Variants in ETFA observed in about 807,000 individuals in gnomAD.
ETFA encodes electron transfer flavoprotein subunit alpha, mitochondrial.
Under a neutral mutation model 46.2 loss-of-function variants are expected in ETFA, and 22 were observed. That is an observed-to-expected ratio of 0.48 (90% CI 0.34 to 0.68). The LOEUF (loss-of-function observed/expected upper bound fraction) is 0.68. ETFA is among the 30% of genes least tolerant of loss of function. The pLI is 0.01. For missense variants in ETFA, 345 were observed against 401.1 expected (o/e 0.86, Z 1.19); for synonymous variants, 131 against 139.9 (o/e 0.94, Z 0.45).
rs1303842015 is a variant in ETFA at position 76,238,177 on chromosome 15, GCTTTA to G, written c.817-6784_817-6780del. 3.9e-5 allele frequency among the ~76,000 whole-genome samples: 6 copies of G among 152,096 alleles called. No homozygotes were observed. In the East Asian group the frequency reaches 5.8e-4, roughly 15 times the overall value. On this transcript the variant is annotated intron_variant, in intron 9 of 11. Transcript: ENST00000557943. ...TTCTGCCTGCAGCAACTTCAGATCT[GCTTTA>G]CTTTAAACACAGTAGAATGGAGAGA... is the stretch of plus-strand genomic sequence containing the variant.
chr15:76,303,913 C>T (rs977395894), intron 1 of ETFA, among the ~76,000 whole-genome samples: 1 of 152,188 alleles, frequency 6.6e-6, no homozygotes, highest in Non-Finnish European at 1.5e-5. Flanking sequence ...TTAGAACATT[C>T]GACCCAGCAA....
intron 9 of ETFA, among the ~76,000 whole-genome samples, chr15:76,256,832 T>G (rs780132777): frequency 3.9e-5 from 6 of 152,236 alleles, no homozygotes; most frequent in Non-Finnish European, 5.9e-5. Context: ...TTTTTATGTT[T>G]AGATACACAA....
chr15:76,285,578 TAAAA>T, intron 7 of ETFA, 55 bp downstream of exon 7: 1 of 834,590 alleles, frequency 1.2e-6, no homozygotes, highest in Non-Finnish European at 1.9e-6. Context: ...ATACTAAAAA[TAAAA>T]AAAAAAATCA....
Position 76,311,200 on chromosome 15 carries a change from G to A in ETFA, c.39+150C>T. 3 of 917,626 alleles carry A rather than the reference G, an allele frequency of 3.3e-6. 1 individual carries two copies. Among genetic ancestry groups the A allele is most frequent in the South Asian group, 3.2e-5 (2 of 63,286 alleles). The allele number at this position is 917,626 out of a possible 1,614,324, so 56.8% of individuals were successfully genotyped here. A position where few individuals can be genotyped will look rare whatever the true frequency, so the allele number is the denominator to read the frequency against. ...CGCAGGGAGTCCAGGGTAGGCCCCA[G>A]AACTTTGGACCCAAGTCCCAGGCGG... On this transcript the variant is annotated intron_variant, in intron 1 of 11. Coordinates refer to ENST00000557943, the MANE Select transcript of ETFA (RefSeq NM_000126.4).
chr15:76,285,433 G>C (rs1169172226), intron 7 of ETFA, among the ~76,000 whole-genome samples: 2 of 152,140 alleles, frequency 1.3e-5, no homozygotes, highest in African/African-American at 4.8e-5. Flanking sequence ...TGGTGCCAGT[G>C]ACTAGGTGTG....
At chr15:76,260,149 G>A (rs2039392020) in intron 9 of ETFA, 4 of 1,414,216 alleles carry the variant, frequency 2.8e-6, no homozygotes, top group Non-Finnish European at 4.0e-6. Context: ...TATCCAGCCA[G>A]GGTGAACTGC....
At chr15:76,280,541 T>C (rs2039637393) in intron 8 of ETFA, among the ~76,000 whole-genome samples, 5 of 152,158 alleles carry the variant, frequency 3.3e-5, no homozygotes, top group African/African-American at 1.2e-4. Flanking sequence ...TCCCCATTAC[T>C]ATACTTACCC....
At chr15:76,310,514 AC>A (rs1319532292) in intron 1 of ETFA, among the ~76,000 whole-genome samples, 9 of 152,186 alleles carry the variant, frequency 5.9e-5, no homozygotes, top group Non-Finnish European at 2.9e-5. Flanking sequence ...TTGTTACTTG[AC>A]TTGTGACTGG....
intron 10 of ETFA, among the ~76,000 whole-genome samples, chr15:76,228,622 T>C (rs752064188): frequency 2.6e-5 from 4 of 152,174 alleles, no homozygotes; most frequent in Non-Finnish European, 4.4e-5. Context: ...AAATAATCAA[T>C]TGTAAAGAAC....
chr15:76,290,667 T>C (rs62027016), intron 4 of ETFA, among the ~76,000 whole-genome samples: 14,429 of 152,158 alleles, frequency 0.095, 832 homozygotes, highest in Middle Eastern at 0.15. Flanking sequence ...AAAGCTACTA[T>C]TCACAAAACA....
At chr15:76,281,920 TC>T (rs1270493329) in intron 8 of ETFA, among the ~76,000 whole-genome samples, 1 of 148,056 alleles carries the variant, frequency 6.8e-6, no homozygotes, top group African/African-American at 2.5e-5. Context: ...TTTTTTTTTT[TC>T]CAGACGGCAT....
intron 8 of ETFA, among the ~76,000 whole-genome samples, chr15:76,278,305 T>C (rs2039616271): frequency 6.6e-6 from 1 of 152,200 alleles, no homozygotes; most frequent in Non-Finnish European, 1.5e-5. Context: ...ACCTCCAACA[T>C]TCCTCTGACC....
chr15:76,224,955 TGGAGGTGAC>T, intron 11 of ETFA, among the ~76,000 whole-genome samples: 1 of 152,212 alleles, frequency 6.6e-6, no homozygotes, highest in East Asian at 1.9e-4. Context: ...AGGTCAAATA[TGGAGGTGAC>T]GGCAAGAGAG....
intron 9 of ETFA, among the ~76,000 whole-genome samples, chr15:76,258,075 A>T (rs1302418805): frequency 6.6e-6 from 1 of 151,364 alleles, no homozygotes; most frequent in Non-Finnish European, 1.5e-5. Context: ...ATGCTAAATG[A>T]CGAGTTAACG....
chr15:76,261,353 TGCACCAGTACTGGCCCGTGTCAGAGC>T, intron 9 of ETFA: 1 of 1,116,588 alleles, frequency 9.0e-7, no homozygotes, highest in Non-Finnish European at 1.3e-6. Flanking sequence ...CCATCCACCT[TGCACCAGTACTGGCCCGTGTCAGAGC>T]GCTCCACTGA....
Position 76,311,429 on chromosome 15 carries a change from C to A in ETFA, c.-41G>T, listed in dbSNP as rs770877472. The A allele has an allele frequency of 9.1e-6, 14 of 1,546,694 alleles. No homozygotes were observed. Among genetic ancestry groups the A allele is most frequent in the East Asian group, 4.9e-5 (2 of 41,158 alleles). On this transcript the variant is annotated 5_prime_UTR_variant, in exon 1 of 12. Transcript: ENST00000557943. ...CGCAACCTCGGCCTTACAGCAGCCC[C>A]GTGCCCGGCCAACTGGCGCCGCCTC...
intron 11 of ETFA, among the ~76,000 whole-genome samples, chr15:76,224,183 A>AG (rs991075741): frequency 1.3e-5 from 2 of 152,146 alleles, no homozygotes; most frequent in African/African-American, 4.8e-5. Context: ...CATTACACAG[A>AG]GAAAAAAAAA....
At chr15:76,217,515 C>G (rs1202824862) in intron 11 of ETFA, 1 of 404,260 alleles carries the variant, frequency 2.5e-6, no homozygotes, top group Non-Finnish European at 5.1e-6. Flanking sequence ...GGTCAGCAGA[C>G]ACAGTAAGAA....
chr15:76,245,486 C>G (rs759512510), intron 9 of ETFA, among the ~76,000 whole-genome samples: 1 of 152,160 alleles, frequency 6.6e-6, no homozygotes, highest in African/African-American at 2.4e-5. Context: ...ACAAGTAAGT[C>G]TATAAAGTTT....
Sources: allele counts gnomAD v4.1 joint callset (sites outside exome capture counted in the v4.1 genomes callset), GRCh38; gene constraint gnomAD v4.1.1; transcripts MANE v1.5; gene names NCBI Gene and HGNC (gene_info 2026-07-23, HGNC 2026-07-21).